The following FSTL5 variants were observed in gnomAD, a reference collection of about 807,000 sequenced individuals.
FSTL5 encodes follistatin like 5, also known as follistatin-related protein 5.
FSTL5 carries 62 observed loss-of-function variants against 89.1 expected under a neutral mutation model. The ratio of observed to expected loss-of-function variants is 0.70; its 90% CI spans 0.57 to 0.86. FSTL5 has a LOEUF of 0.86. FSTL5 is among the 40% of genes least tolerant of loss of function. The pLI is 0.00. For synonymous variants in FSTL5, 383 were observed against 346.2 expected, an observed-to-expected ratio of 1.11 and a Z score of -1.18; for missense variants, 1,057 against 1,001.6, an observed-to-expected ratio of 1.06 and a Z score of -0.75.
In FSTL5 at chr4:161,505,868, C is replaced by T. The variant is rs572908137; in HGVS notation, c.1339+4530G>A. On this transcript the variant is annotated intron_variant, in intron 11 of 15. Coordinates refer to ENST00000306100, the MANE Select transcript of FSTL5 (RefSeq NM_020116.5). ...TAGACTGATGTAAGTTTTTAGCAGACCAGTTAGTGAACTGGCCAGTAGAAA... is the reference window on the plus strand; with the variant it reads ...TAGACTGATGTAAGTTTTTAGCAGATCAGTTAGTGAACTGGCCAGTAGAAA... Among the ~76,000 whole-genome samples, 31 of 152,028 alleles carry T rather than the reference C, an allele frequency of 2.0e-4. 1 individual carries two copies. The South Asian group carries it at 6.5e-3, about 32-fold the overall frequency.
At chr4:161,772,986 A>G (rs1007994244) in intron 5 of FSTL5, among the ~76,000 whole-genome samples, 6 of 152,186 alleles carry the variant, frequency 3.9e-5, no homozygotes, top group African/African-American at 1.2e-4. Flanking sequence ...TGGTACTGGT[A>G]TAAAAGTAGG....
intron 13 of FSTL5, among the ~76,000 whole-genome samples, chr4:161,468,916 A>G (rs1486692425): frequency 6.6e-6 from 1 of 151,964 alleles, no homozygotes; most frequent in Non-Finnish European, 1.5e-5. Flanking sequence ...CATTTTTTAA[A>G]ACTTTGGTCG....
At chr4:161,521,879 A>T (rs1345515984) in intron 10 of FSTL5, among the ~76,000 whole-genome samples, 1 of 151,324 alleles carries the variant, frequency 6.6e-6, no homozygotes, top group Non-Finnish European at 1.5e-5. Context: ...AAAAAAGAAA[A>T]AAAGGTTATG....
intron 3 of FSTL5, among the ~76,000 whole-genome samples, chr4:161,975,488 T>C (rs1428409451): frequency 2.7e-5 from 4 of 148,246 alleles, no homozygotes; most frequent in East Asian, 2.0e-4. Context: ...TCATTCTCAG[T>C]AAACTATCAC....
chr4:161,476,856 A>G (rs1322530777), intron 13 of FSTL5, among the ~76,000 whole-genome samples: 3 of 152,182 alleles, frequency 2.0e-5, no homozygotes, highest in Non-Finnish European at 2.9e-5. Flanking sequence ...AGAAGTGTCA[A>G]TCAACAATCA....
In FSTL5 at chr4:162,013,954, T is replaced by C. The variant is rs547170352; in HGVS notation, c.160+19671A>G. On this transcript the variant is annotated intron_variant, in intron 3 of 15. Coordinates refer to ENST00000306100, the MANE Select transcript of FSTL5 (RefSeq NM_020116.5). The stretch of plus-strand genomic sequence containing the variant: ...GGATTTAAGCAAACTAAGAGCCTCA[T>C]GGATCTCAGAAGCCAAAATGCACTG... Among the ~76,000 whole-genome samples the C allele has an allele frequency of 3.3e-5, 5 of 152,254 alleles. No homozygotes were observed. The East Asian group carries it at 9.7e-4, about 29-fold the overall frequency.
chr4:161,607,991 G>A (rs757416837), intron 7 of FSTL5, among the ~76,000 whole-genome samples: 2 of 152,052 alleles, frequency 1.3e-5, no homozygotes, highest in Non-Finnish European at 2.9e-5. Context: ...AGGTTATCAA[G>A]TATTTGAAAA....
At chr4:161,747,239 A>T (rs937904141) in intron 6 of FSTL5, among the ~76,000 whole-genome samples, 2 of 152,224 alleles carry the variant, frequency 1.3e-5, no homozygotes, top group Non-Finnish European at 2.9e-5. Context: ...ACATAAGTGA[A>T]TCATTGCACA....
Position 161,920,576 on chromosome 4 carries a change from G to C in FSTL5, c.237C>G (p.Ser79Arg). 6.2e-7 allele frequency: 1 copy of C among 1,613,768 alleles called. No individual in the cohort carries two copies. The highest frequency in any genetic ancestry group is 2.2e-5 in the East Asian group (1 of 44,838). Reference protein sequence around the residue: ...YCGLGRHCVTSRETGQAECAC... With the variant: ...YCGLGRHCVTRRETGQAECAC... ...CACATTCTGCTTGCCCTGTCTCTCT[G>C]CTGGTAACACAGTGTCTTCCCAAAC... Residue 79 changes from serine (S) to arginine (R), a missense_variant, in exon 4 of 16, where the codon AGC becomes AGG. Ser to Arg is a moderately radical substitution (Grantham distance 110). Coordinates refer to ENST00000306100, the MANE Select transcript of FSTL5 (RefSeq NM_020116.5).
intron 8 of FSTL5, among the ~76,000 whole-genome samples, chr4:161,544,130 T>C (rs1319569565): frequency 6.6e-6 from 1 of 151,608 alleles, no homozygotes; most frequent in Non-Finnish European, 1.5e-5. Flanking sequence ...TATGAAAAGA[T>C]TAAAAAATTA....
intron 6 of FSTL5, among the ~76,000 whole-genome samples, chr4:161,718,597 T>G (rs1560806816): frequency 6.6e-6 from 1 of 151,974 alleles, no homozygotes; most frequent in Non-Finnish European, 1.5e-5. Flanking sequence ...CCCGGCTACT[T>G]TTTTGTATTT....
In FSTL5 at chr4:161,477,341, AT is replaced by A. The variant is rs1440676776; in HGVS notation, c.1608+3678del. 1.3e-4 allele frequency among the ~76,000 whole-genome samples: 19 copies of A among 149,770 alleles called. No homozygotes were observed. The East Asian group carries it at 1.8e-3, about 14-fold the overall frequency. On this transcript the variant is annotated intron_variant, in intron 13 of 15. Transcript: ENST00000306100. ...ATTACTGCCTTTTTAAAGTATATAT[AT>A]TTTTTTCCATTTGAGTTTCATTGTC...
At position 162,138,065 on chromosome 4, in the gene FSTL5, A is replaced by T. The variant is rs189691603; in HGVS notation, c.-17+25550T>A. Among the ~76,000 whole-genome samples the T allele has an allele frequency of 3.7e-3, 557 of 152,256 alleles. 1 individual carries two copies. The highest frequency in any genetic ancestry group is 0.012 in the African/African-American group (490 of 41,564). The stretch of plus-strand genomic sequence containing the variant: ...ATAAGAACTGTAGCAAGCTTTAAAA[A>T]TTTTGCTTAAGTCATTGATAGCTGA... On this transcript the variant is annotated intron_variant, in intron 1 of 15. Coordinates refer to ENST00000306100, the MANE Select transcript of FSTL5 (RefSeq NM_020116.5).
intron 6 of FSTL5, among the ~76,000 whole-genome samples, chr4:161,721,070 A>T (rs1156738743): frequency 6.6e-6 from 1 of 151,316 alleles, no homozygotes; most frequent in Non-Finnish European, 1.5e-5. Flanking sequence ...TGAGGTCAGG[A>T]GATCGAGACC....
chr4:161,715,941 C>G (rs12500085), intron 6 of FSTL5, among the ~76,000 whole-genome samples: 82,461 of 152,140 alleles, frequency 0.54, 25,909 homozygotes, highest in Non-Finnish European at 0.7. Flanking sequence ...TCTCCCTATT[C>G]CAGGGACTGC....
At chr4:162,094,336 A>T (rs915877448) in intron 2 of FSTL5, among the ~76,000 whole-genome samples, 1 of 152,178 alleles carries the variant, frequency 6.6e-6, no homozygotes, top group Non-Finnish European at 1.5e-5. Flanking sequence ...GCAGTAAGCT[A>T]AAGCTAAACA....
chr4:161,970,683 C>G (rs1170133477), intron 3 of FSTL5, among the ~76,000 whole-genome samples: 1 of 151,764 alleles, frequency 6.6e-6, no homozygotes, highest in Non-Finnish European at 1.5e-5. Context: ...ACTATTACAC[C>G]AAGTTTTCTA....
intron 6 of FSTL5, among the ~76,000 whole-genome samples, chr4:161,669,604 C>G (rs530250878): frequency 6.6e-6 from 1 of 151,854 alleles, no homozygotes; most frequent in South Asian, 2.1e-4. Context: ...AAAAAAATGA[C>G]ACTAGACAGA....
intron 4 of FSTL5, among the ~76,000 whole-genome samples, chr4:161,875,799 T>C (rs1265638712): frequency 6.6e-6 from 1 of 152,208 alleles, no homozygotes; most frequent in Non-Finnish European, 1.5e-5. Flanking sequence ...TGGCCAATAC[T>C]GGGGGCATCA....
Sources: gnomAD v4.1 joint callset for allele counts (sites outside exome capture counted in the v4.1 genomes callset) on GRCh38, gnomAD v4.1.1 for gene constraint, MANE v1.5 for transcripts, NCBI Gene and HGNC (gene_info 2026-07-23, HGNC 2026-07-21) for gene names.